Variants in VIRMA observed in about 807,000 individuals in gnomAD.
The protein encoded by VIRMA is vir like m6A methyltransferase associated.
In VIRMA, 65 loss-of-function variants were observed where a neutral mutation model predicts 182.4. The ratio of observed to expected loss-of-function variants is 0.36; its 90% CI spans 0.29 to 0.44. VIRMA has a LOEUF of 0.44. Among genes scored for constraint, VIRMA ranks in the 20% least tolerant of loss-of-function variants. VIRMA has a pLI of 1.00. For missense variants in VIRMA, 1,752 were observed against 2,158.1 expected (o/e 0.81, Z 3.73); for synonymous variants, 709 against 743.1 (o/e 0.95, Z 0.75).
intron 5 of VIRMA, 127 bp downstream of exon 5, chr8:94,534,712 T>C (rs1194842428): frequency 1.7e-5 from 13 of 785,430 alleles, no homozygotes; most frequent in South Asian, 3.4e-5. Flanking sequence ...TCTCTCCCCC[T>C]CTCTTCCTCT....
At chr8:94,534,791 A>G (rs1487327547) in intron 5 of VIRMA, 48 bp downstream of exon 5, 2 of 1,584,586 alleles carry the variant, frequency 1.3e-6, no homozygotes, top group African/African-American at 2.8e-5. Flanking sequence ...TTTTTTTTTA[A>G]ACCACGGATA....
chr8:94,532,246 A>C (rs1284536254), intron 5 of VIRMA, among the ~76,000 whole-genome samples: 2 of 152,226 alleles, frequency 1.3e-5, no homozygotes, highest in African/African-American at 2.4e-5. Context: ...AGCTGGGACT[A>C]CAGGCATGCA....
chr8:94,536,243 TGGAA>T (rs895330826), intron 4 of VIRMA, among the ~76,000 whole-genome samples: 1 of 152,204 alleles, frequency 6.6e-6, no homozygotes, highest in Non-Finnish European at 1.5e-5. Context: ...GAAATCCCAC[TGGAA>T]GGAAGATAAA....
intron 16 of VIRMA, among the ~76,000 whole-genome samples, chr8:94,501,204 C>T (rs878942033): frequency 4.1e-5 from 6 of 144,986 alleles, no homozygotes; most frequent in Admixed American, 7.1e-5. Flanking sequence ...TGCAGTGAGC[C>T]GAGATCGCAC....
chr8:94,526,790 C>A lies in VIRMA; in HGVS notation c.1454G>T (p.Gly485Val), dbSNP rs763143280. ...ATCAGCAAACAGAAGTTCAAATAAT[C>A]CACTGATCACTCCTGCTTGTAGCAG... ...TGLLQAGVIS[G>V]LFELLFADHV... The change falls in exon 8 of 24, where the codon GGA becomes GTA. Residue 485 changes from glycine to valine, a missense_variant. Transcript: ENST00000297591. 2 of 1,614,062 alleles carry A rather than the reference C, an allele frequency of 1.2e-6. No individual in the cohort carries two copies. The highest frequency in any genetic ancestry group is 1.7e-6 in the Non-Finnish European group (2 of 1,179,994).
At chr8:94,505,855 T>C (rs1337589948) in intron 16 of VIRMA, among the ~76,000 whole-genome samples, 3 of 151,866 alleles carry the variant, frequency 2.0e-5, no homozygotes, top group Admixed American at 1.3e-4. Context: ...TATGGTCAGC[T>C]CTCCATACCC....
In VIRMA at chr8:94,536,974, G is replaced by A. The variant is rs557545503; in HGVS notation, c.315+129C>T. The A allele has an allele frequency of 6.2e-5, 44 of 711,238 alleles. 1 individual carries two copies. The East Asian group carries it at 7.4e-4, about 12-fold the overall frequency. The allele number at this position is 711,238 out of a possible 1,614,324, so 44.1% of individuals were successfully genotyped here. A position where few individuals can be genotyped will look rare whatever the true frequency, so the allele number is the denominator to read the frequency against. Reference sequence around the variant, plus strand: ...AGCCTGGGTGACAGAGCGAGACTCCGTCTCAAAAAACACAAAGAAAAAAAA... The same window carrying A: ...AGCCTGGGTGACAGAGCGAGACTCCATCTCAAAAAACACAAAGAAAAAAAA... On this transcript the variant is annotated intron_variant, in intron 4 of 23. Coordinates refer to ENST00000297591, the MANE Select transcript of VIRMA (RefSeq NM_015496.5).
At chr8:94,550,859 T>C (rs891099313) in intron 1 of VIRMA, among the ~76,000 whole-genome samples, 2 of 152,076 alleles carry the variant, frequency 1.3e-5, no homozygotes, top group East Asian at 1.9e-4. Context: ...GCTGGGACTA[T>C]AGACGCACAC....
rs113174386 is a variant in VIRMA at position 94,510,772 on chromosome 8, A to C, written c.3391-120T>G. On this transcript the variant is annotated intron_variant, in intron 13 of 23. Transcript: ENST00000297591. ...TTTTTACTGCATGCTTAAAACATTT[A>C]ATTTTCTATTATACAGTTAAACATT... is the stretch of plus-strand genomic sequence containing the variant. 6 of 805,112 alleles carry C rather than the reference A, an allele frequency of 7.5e-6. No homozygotes were observed. The Admixed American group carries it at 8.0e-5, about 11-fold the overall frequency. The allele number at this position is 805,112 out of a possible 1,614,324, so 49.9% of individuals were successfully genotyped here. A position where few individuals can be genotyped will look rare whatever the true frequency, so the allele number is the denominator to read the frequency against.
intron 16 of VIRMA, among the ~76,000 whole-genome samples, chr8:94,500,647 G>GGTA (rs1813937298): frequency 7.1e-6 from 1 of 141,522 alleles, no homozygotes; most frequent in Non-Finnish European, 1.5e-5. Context: ...AAAACAGTTC[G>GGTA]GTAGTTTCTT....
chr8:94,540,204 C>T (rs1370639204), intron 2 of VIRMA, among the ~76,000 whole-genome samples: 1 of 151,752 alleles, frequency 6.6e-6, no homozygotes, highest in East Asian at 1.9e-4. Context: ...TCTAATAGTC[C>T]CCACATAGGA....
intron 15 of VIRMA, among the ~76,000 whole-genome samples, 188 bp downstream of exon 15, chr8:94,509,500 C>G (rs1287106639): frequency 6.6e-6 from 1 of 151,828 alleles, no homozygotes; most frequent in East Asian, 1.9e-4. Context: ...AGCAATTACC[C>G]AAGGTTATGA....
intron 22 of VIRMA, 168 bp from the exon 23 acceptor site, chr8:94,490,250 A>G (rs1455344984): frequency 4.7e-6 from 3 of 642,160 alleles, no homozygotes; most frequent in Non-Finnish European, 7.6e-6. Flanking sequence ...CAGAGGCTCT[A>G]GAGCCAAACT....
At position 94,514,928 on chromosome 8, in the gene VIRMA, G is replaced by C; in HGVS notation, c.2692C>G (p.Leu898Val). The C allele has an allele frequency of 6.3e-7, 1 of 1,585,034 alleles. No homozygotes were observed. ...TTAATTTCAAATCTAAGGTTTTTCA[G>C]AGGTTCAAGCCACTTGCCAAGTTCT... ...LQELGKWLEPLKNLRFEINCI... is the reference protein window; with the variant it reads ...LQELGKWLEPVKNLRFEINCI... Residue 898 changes from leucine (L) to valine (V), a missense_variant, in exon 11 of 24, where the codon CTG becomes GTG. By Grantham distance (32) the Leu-to-Val change is conservative. Coordinates refer to ENST00000297591, the MANE Select transcript of VIRMA (RefSeq NM_015496.5).
chr8:94,501,289 G>A (rs543250065), intron 16 of VIRMA, among the ~76,000 whole-genome samples: 34 of 146,736 alleles, frequency 2.3e-4, no homozygotes, highest in Middle Eastern at 3.5e-3. Context: ...AACCAATAAG[G>A]ATATGAGGGA....
rs1449606298 is a variant in VIRMA, at chr8:94,546,679, T to G, written c.64-2737A>C. 6 of 306,564 alleles carry G rather than the reference T, an allele frequency of 2.0e-5. No homozygotes were observed. In the East Asian group the frequency reaches 2.6e-4, roughly 13 times the overall value. 19.0% of individuals were successfully genotyped at this position (306,564 alleles called of 1,614,324 possible). On this transcript the variant is annotated intron_variant, in intron 1 of 23. Coordinates refer to ENST00000297591, the MANE Select transcript of VIRMA (RefSeq NM_015496.5). Reference sequence around the variant, plus strand: ...CCTGTCTCCCAAGCAGTGTGCACTGTACCCAATATGTAGTCTTTTATCCCT... The same window carrying G: ...CCTGTCTCCCAAGCAGTGTGCACTGGACCCAATATGTAGTCTTTTATCCCT...
rs1238799168 is a variant in VIRMA, at chr8:94,534,582, TCTCTCCCTCCC to T, written c.484+246_484+256del. On this transcript the variant is annotated intron_variant, in intron 5 of 23. Coordinates refer to ENST00000297591, the MANE Select transcript of VIRMA (RefSeq NM_015496.5). ...CCCCAATCCCTCACTTTCCCTCCTT[TCTCTCCCTCCC>T]CTTCTCCCTCTTGCCTCCTCTTCTT... Among the ~76,000 whole-genome samples, 5 of 151,434 alleles carry T rather than the reference TCTCTCCCTCCC, an allele frequency of 3.3e-5. No individual in the cohort carries two copies. In the South Asian group the frequency reaches 6.3e-4, roughly 19 times the overall value.
rs1815154637 is a variant in VIRMA, at chr8:94,531,006, G to A, written c.564C>T (p.Pro188=). Residue 188 remains proline (P), a synonymous_variant, in exon 6 of 24, where the codon CCC becomes CCT. Coordinates refer to ENST00000297591, the MANE Select transcript of VIRMA (RefSeq NM_015496.5). ...CATCTTCATCATCATCAGGTGGAGGGGGTCCTGGAGGAGTTCTTGGTCCCC... is the reference window on the plus strand; with the variant it reads ...CATCTTCATCATCATCAGGTGGAGGAGGTCCTGGAGGAGTTCTTGGTCCCC... ...QPRGPRTPPG[P]PPPDDDEDDP... 1 of 1,603,672 alleles carries A rather than the reference G, an allele frequency of 6.2e-7. No individual in the cohort carries two copies. The highest frequency in any genetic ancestry group is 8.5e-7 in the Non-Finnish European group (1 of 1,175,346).
intron 1 of VIRMA, among the ~76,000 whole-genome samples, chr8:94,546,332 C>A (rs1358456580): frequency 6.6e-6 from 1 of 150,988 alleles, no homozygotes; most frequent in African/African-American, 2.5e-5. Flanking sequence ...AAACTGAATT[C>A]TCCTACATTA....
Sources: gnomAD v4.1 joint callset for allele counts (sites outside exome capture counted in the v4.1 genomes callset) on GRCh38, gnomAD v4.1.1 for gene constraint, MANE v1.5 for transcripts, NCBI Gene and HGNC (gene_info 2026-07-23, HGNC 2026-07-21) for gene names.